ABTB3: variants seen among roughly 807,000 people sequenced by gnomAD.
The protein encoded by ABTB3 is ankyrin repeat- and BTB/POZ domain-containing protein 3.
chr12:107,528,499 T>G, the ABTB3 span, among the ~76,000 whole-genome samples: 32 of 152,222 alleles, frequency 2.1e-4, no homozygotes, highest in Non-Finnish European at 1.2e-4. Flanking sequence ...AACATAGTTA[T>G]TAGTGGATTG....
the ABTB3 span, among the ~76,000 whole-genome samples, chr12:107,456,770 C>T: frequency 6.6e-6 from 1 of 152,136 alleles, no homozygotes; most frequent in Non-Finnish European, 1.5e-5. Flanking sequence ...CTCAAGGTCA[C>T]ACAGCTAGGA....
the ABTB3 span, among the ~76,000 whole-genome samples, chr12:107,401,637 T>A: frequency 6.6e-6 from 1 of 152,176 alleles, no homozygotes; most frequent in Non-Finnish European, 1.5e-5. Context: ...AAATGTCCTT[T>A]AAAAAATCCA....
chr12:107,473,540 G>C, the ABTB3 span, among the ~76,000 whole-genome samples: 1 of 152,134 alleles, frequency 6.6e-6, no homozygotes, highest in Non-Finnish European at 1.5e-5. Flanking sequence ...TTTTAATAGA[G>C]ACGGGGTTTC....
At chr12:107,503,387 TA>T in the ABTB3 span, among the ~76,000 whole-genome samples, 5 of 152,202 alleles carry the variant, frequency 3.3e-5, no homozygotes, top group African/African-American at 1.2e-4. Context: ...AGGAATTGGC[TA>T]ACCTTGAGTG....
At chr12:107,654,834 A>ACACG in the ABTB3 span, among the ~76,000 whole-genome samples, 1 of 148,576 alleles carries the variant, frequency 6.7e-6, no homozygotes, top group African/African-American at 2.6e-5. Flanking sequence ...ACACACACAC[A>ACACG]CACACACACA....
the ABTB3 span, among the ~76,000 whole-genome samples, chr12:107,409,098 C>T: frequency 6.6e-6 from 1 of 152,188 alleles, no homozygotes; most frequent in Non-Finnish European, 1.5e-5. Flanking sequence ...TCCCCCTCAC[C>T]TTCCCTCTCT....
the ABTB3 span, among the ~76,000 whole-genome samples, chr12:107,383,250 T>TTG: frequency 6.6e-6 from 1 of 152,214 alleles, no homozygotes. Flanking sequence ...CCATTTGCCC[T>TTG]GCAGGTATGG....
the ABTB3 span, among the ~76,000 whole-genome samples, chr12:107,622,552 G>A: frequency 6.6e-6 from 1 of 152,136 alleles, no homozygotes; most frequent in Non-Finnish European, 1.5e-5. Flanking sequence ...CATGATCTTG[G>A]CTCACTGCAA....
the ABTB3 span, among the ~76,000 whole-genome samples, chr12:107,493,911 C>T: frequency 6.6e-6 from 1 of 151,974 alleles, no homozygotes. Context: ...GGAGCCAACT[C>T]TGCAACACCT....
the ABTB3 span, among the ~76,000 whole-genome samples, chr12:107,409,373 T>C: frequency 2.6e-5 from 4 of 152,228 alleles, no homozygotes; most frequent in Non-Finnish European, 5.9e-5. Context: ...TGGAAAACAA[T>C]GTGGCTATTT....
At chr12:107,362,915 A>G in the ABTB3 span, among the ~76,000 whole-genome samples, 2 of 152,182 alleles carry the variant, frequency 1.3e-5, no homozygotes, top group Non-Finnish European at 2.9e-5. Context: ...TAGATGAGGA[A>G]ACTAAGGGTT....
At chr12:107,549,500 A>G in the ABTB3 span, among the ~76,000 whole-genome samples, 1 of 152,236 alleles carries the variant, frequency 6.6e-6, no homozygotes, top group African/African-American at 2.4e-5. Flanking sequence ...AAGTGAGTAG[A>G]GGTATCCTTG....
At chr12:107,587,779 C>T in the ABTB3 span, among the ~76,000 whole-genome samples, 1 of 152,154 alleles carries the variant, frequency 6.6e-6, no homozygotes, top group Admixed American at 6.5e-5. Context: ...GCTGTACATG[C>T]TTAGGCTGCC....
At chr12:107,370,757 ATTTTTTT>A in the ABTB3 span, among the ~76,000 whole-genome samples, 51 of 87,466 alleles carry the variant, frequency 5.8e-4, no homozygotes, top group African/African-American at 5.8e-4. Context: ...CAAAAAAGGG[ATTTTTTT>A]TTTTTTTTTT....
the ABTB3 span, among the ~76,000 whole-genome samples, chr12:107,496,385 C>A: frequency 1.1e-4 from 17 of 152,116 alleles, no homozygotes; most frequent in African/African-American, 4.1e-4. Context: ...TTTCATGTCA[C>A]CTGTTTGATT....
At chr12:107,452,217 T>TC in the ABTB3 span, among the ~76,000 whole-genome samples, 1 of 149,036 alleles carries the variant, frequency 6.7e-6, no homozygotes, top group African/African-American at 2.5e-5. Flanking sequence ...TTTTTTTTTT[T>TC]TTTTTTTTTG....
At chr12:107,366,625 T>C in the ABTB3 span, among the ~76,000 whole-genome samples, 2 of 152,224 alleles carry the variant, frequency 1.3e-5, no homozygotes, top group African/African-American at 4.8e-5. Context: ...AATGCAGCTT[T>C]AAGAGTGAAG....
At chr12:107,649,443 A>G in the ABTB3 span, 15 of 639,192 alleles carry the variant, frequency 2.3e-5, no homozygotes, top group African/African-American at 2.5e-4. Context: ...AGTCCTCCCA[A>G]ACAGGAAGGG....
the ABTB3 span, among the ~76,000 whole-genome samples, chr12:107,433,466 A>G: frequency 6.8e-6 from 1 of 147,466 alleles, no homozygotes. Flanking sequence ...CAGAGCTTGC[A>G]GAGCTTGACA....
Sources: gnomAD v4.1 joint callset for allele counts (sites outside exome capture counted in the v4.1 genomes callset) on GRCh38, gnomAD v4.1.1 for gene constraint, MANE v1.5 for transcripts, NCBI Gene and HGNC (gene_info 2026-07-23, HGNC 2026-07-21) for gene names.